ARHGAP15: variants seen among roughly 807,000 people sequenced by gnomAD.
ARHGAP15 encodes Rho GTPase activating protein 15, also known as rho GTPase-activating protein 15.
In ARHGAP15, 51 loss-of-function variants were observed where a neutral mutation model predicts 63.7. That is an observed-to-expected ratio of 0.80 (90% CI 0.64 to 1.01). ARHGAP15 has a LOEUF of 1.01. Ranked by LOEUF, ARHGAP15 falls within the 50% of genes least tolerant of loss-of-function variation. The probability of loss-of-function intolerance (pLI) is 0.00; values close to 1 mark genes in which losing one functional copy is unlikely to be tolerated. For synonymous variants in ARHGAP15, 191 were observed against 193.8 expected, an observed-to-expected ratio of 0.99 and a Z score of 0.12; for missense variants, 560 against 564.6, an observed-to-expected ratio of 0.99 and a Z score of 0.08.
chr2:143,539,569 G>A (rs960107539), intron 10 of ARHGAP15, among the ~76,000 whole-genome samples: 2 of 151,884 alleles, frequency 1.3e-5, no homozygotes, highest in African/African-American at 4.8e-5. Flanking sequence ...CAGAGATTCT[G>A]GTATGTTGTG....
chr2:143,258,034 CAGAAAAAGGAACAA>C (rs1179714494), intron 6 of ARHGAP15, among the ~76,000 whole-genome samples: 1 of 151,846 alleles, frequency 6.6e-6, no homozygotes, highest in Non-Finnish European at 1.5e-5. Flanking sequence ...AGACCTATTC[CAGAAAAAGGAACAA>C]TTTAATCCCT....
intron 1 of ARHGAP15, among the ~76,000 whole-genome samples, chr2:143,139,241 T>G (rs1383191118): frequency 2.0e-5 from 3 of 152,142 alleles, no homozygotes; most frequent in Non-Finnish European, 4.4e-5. Flanking sequence ...CAATTTCGAT[T>G]ACATCTCTAC....
rs547726476 is a variant in ARHGAP15, at chr2:143,612,053, C to T, written c.1004-12080C>T. Reference sequence around the variant, plus strand: ...ATTCTATTTCCTACAGATTTATCTTCGTGAAATACAGTCTGGATATTTCCT... The same window carrying T: ...ATTCTATTTCCTACAGATTTATCTTTGTGAAATACAGTCTGGATATTTCCT... On this transcript the variant is annotated intron_variant, in intron 11 of 13. Coordinates refer to ENST00000295095, the MANE Select transcript of ARHGAP15 (RefSeq NM_018460.4). 9.2e-5 allele frequency among the ~76,000 whole-genome samples: 14 copies of T among 152,304 alleles called. No homozygotes were observed. In the South Asian group the frequency reaches 2.9e-3, roughly 32 times the overall value.
intron 10 of ARHGAP15, among the ~76,000 whole-genome samples, chr2:143,542,381 C>A (rs970959866): frequency 5.9e-5 from 9 of 152,142 alleles, no homozygotes; most frequent in African/African-American, 2.2e-4. Flanking sequence ...TGCACCCACT[C>A]TCCTGCAACC....
chr2:143,440,487 G>A (rs547125710), intron 8 of ARHGAP15, among the ~76,000 whole-genome samples: 11 of 152,128 alleles, frequency 7.2e-5, no homozygotes, highest in South Asian at 6.2e-4. Flanking sequence ...GAGTTTTGCC[G>A]CCAAGATTGT....
At chr2:143,628,231 G>A (rs921278888) in intron 12 of ARHGAP15, among the ~76,000 whole-genome samples, 2 of 152,000 alleles carry the variant, frequency 1.3e-5, no homozygotes, top group African/African-American at 4.8e-5. Flanking sequence ...CACCATCACT[G>A]GGCACCTAGG....
chr2:143,260,258 G>A (rs1427516524), intron 6 of ARHGAP15, among the ~76,000 whole-genome samples: 1 of 152,114 alleles, frequency 6.6e-6, no homozygotes, highest in Non-Finnish European at 1.5e-5. Context: ...TGATTCTCAA[G>A]CATCAGTGTA....
chr2:143,393,936 T>C lies in ARHGAP15; in HGVS notation c.475-41665T>C, dbSNP rs556528434. 3.3e-5 allele frequency among the ~76,000 whole-genome samples: 5 copies of C among 152,258 alleles called. No individual in the cohort carries two copies. In the South Asian group the frequency reaches 1.0e-3, roughly 32 times the overall value. ...ACTTCTCAGTAAACATTTGTCAGCA[T>C]TGGCATTCTTATGAGCTGGAGGATG... On this transcript the variant is annotated intron_variant, in intron 6 of 13. Coordinates refer to ENST00000295095, the MANE Select transcript of ARHGAP15 (RefSeq NM_018460.4).
At chr2:143,658,348 A>G (rs561514097) in intron 12 of ARHGAP15, among the ~76,000 whole-genome samples, 1 of 152,332 alleles carries the variant, frequency 6.6e-6, no homozygotes, top group South Asian at 2.1e-4. Context: ...GTGTATTTGT[A>G]TCAAAAGCCT....
At chr2:143,716,485 C>A (rs1684817492) in intron 13 of ARHGAP15, among the ~76,000 whole-genome samples, 1 of 152,226 alleles carries the variant, frequency 6.6e-6, no homozygotes, top group Non-Finnish European at 1.5e-5. Context: ...ATCAGGTCAA[C>A]CCCAACTTCC....
At chr2:143,371,305 G>T (rs1381553923) in intron 6 of ARHGAP15, among the ~76,000 whole-genome samples, 2 of 152,006 alleles carry the variant, frequency 1.3e-5, no homozygotes, top group Non-Finnish European at 2.9e-5. Flanking sequence ...ATAAATTTCT[G>T]CAAGAAGTAT....
At chr2:143,519,231 G>A (rs765549568) in intron 9 of ARHGAP15, 35 bp from the exon 10 acceptor site, 14 of 1,480,248 alleles carry the variant, frequency 9.5e-6, no homozygotes, top group Non-Finnish European at 1.2e-5. Context: ...CGCAAGCTTG[G>A]ATTTTAATGA....
chr2:143,132,649 C>G (rs1209216009), intron 1 of ARHGAP15, among the ~76,000 whole-genome samples: 1 of 152,218 alleles, frequency 6.6e-6, no homozygotes, highest in East Asian at 1.9e-4. Context: ...CTGGGGGCAG[C>G]TACAGCTGCA....
Position 143,254,784 on chromosome 2 carries a change from CTG to C in ARHGAP15, c.474+4185_474+4186del, listed in dbSNP as rs1219899276. Among the ~76,000 whole-genome samples, 3 of 151,922 alleles carry C rather than the reference CTG, an allele frequency of 2.0e-5. No individual in the cohort carries two copies. The East Asian group carries it at 5.8e-4, about 29-fold the overall frequency. On this transcript the variant is annotated intron_variant, in intron 6 of 13. Transcript: ENST00000295095. ...GTCTTCTACTTATTAAGCCAGAAGA[CTG>C]AACACTTTTTAGCTGAATAATTGTT... is the stretch of plus-strand genomic sequence containing the variant.
intron 6 of ARHGAP15, among the ~76,000 whole-genome samples, chr2:143,314,200 A>G (rs1190462058): frequency 1.3e-5 from 2 of 152,066 alleles, no homozygotes; most frequent in African/African-American, 2.4e-5. Context: ...GCCAGAGCCT[A>G]CATTCTGCTA....
intron 13 of ARHGAP15, among the ~76,000 whole-genome samples, chr2:143,741,535 A>G (rs1483433061): frequency 6.6e-6 from 1 of 152,374 alleles, no homozygotes; most frequent in Admixed American, 6.5e-5. Context: ...ATGAATTAAC[A>G]TCCTATAATA....
Position 143,509,344 on chromosome 2 carries a change from A to AT in ARHGAP15, c.827-9922_827-9921insT, listed in dbSNP as rs1559017930. 3.3e-5 allele frequency among the ~76,000 whole-genome samples: 5 copies of AT among 152,142 alleles called. No homozygotes were observed. In the East Asian group the frequency reaches 5.8e-4, roughly 18 times the overall value. On this transcript the variant is annotated intron_variant, in intron 9 of 13. Transcript: ENST00000295095. The stretch of plus-strand genomic sequence containing the variant: ...ACTTGCCTCTTATGAAAAAAAAAAA[A>AT]AATAAGTAAACAAGGCAATGAGAGA...
At chr2:143,254,217 T>C (rs1680305625) in intron 6 of ARHGAP15, among the ~76,000 whole-genome samples, 1 of 152,116 alleles carries the variant, frequency 6.6e-6, no homozygotes, top group South Asian at 2.1e-4. Flanking sequence ...TAATCCTAAA[T>C]GTCATTTACA....
At chr2:143,646,711 C>T (rs137934525) in intron 12 of ARHGAP15, among the ~76,000 whole-genome samples, 86 of 152,076 alleles carry the variant, frequency 5.7e-4, no homozygotes, top group African/African-American at 1.8e-3. Context: ...ATTGTCTACC[C>T]TCATTTATCT....
Sources: gnomAD v4.1 joint callset for allele counts (sites outside exome capture counted in the v4.1 genomes callset) on GRCh38, gnomAD v4.1.1 for gene constraint, MANE v1.5 for transcripts, NCBI Gene and HGNC (gene_info 2026-07-23, HGNC 2026-07-21) for gene names.